Variants in PCCA observed in about 807,000 individuals in gnomAD.
PCCA encodes the protein propionyl-CoA carboxylase alpha chain, mitochondrial.
PCCA carries 74 observed loss-of-function variants against 101.3 expected under a neutral mutation model. That is an observed-to-expected ratio of 0.73 (90% CI 0.61 to 0.89). PCCA has a LOEUF of 0.89. PCCA is among the 40% of genes least tolerant of loss of function. The pLI, the probability that PCCA is intolerant of heterozygous loss-of-function variation, is 0.00. For missense variants in PCCA, 891 were observed against 907.0 expected, an observed-to-expected ratio of 0.98 and a Z score of 0.23; for synonymous variants, 294 against 313.6, an observed-to-expected ratio of 0.94 and a Z score of 0.66.
chr13:100,484,300 G>A (rs1369644751), intron 21 of PCCA, among the ~76,000 whole-genome samples: 1 of 152,080 alleles, frequency 6.6e-6, no homozygotes, highest in East Asian at 1.9e-4. Flanking sequence ...ACCGTGTTCT[G>A]CAGGAATTGA....
At chr13:100,139,870 A>G (rs9585361) in intron 4 of PCCA, among the ~76,000 whole-genome samples, 8,665 of 150,814 alleles carry the variant, frequency 0.057, 847 homozygotes, top group African/African-American at 0.2. Context: ...TTCAGTAGCA[A>G]TTAACTTGGT....
rs999403604 is a variant in PCCA at position 100,089,353 on chromosome 13, T to C, written c.105+128T>C. ...CCCCGCGCCCCGGTTCCGCATCAGC[T>C]ACACCGCTTGCTTTCCTCCCTCCCG... is the stretch of plus-strand genomic sequence containing the variant. On this transcript the variant is annotated intron_variant, in intron 1 of 23. Coordinates refer to ENST00000376285, the MANE Select transcript of PCCA (RefSeq NM_000282.4). 8.2e-6 allele frequency: 10 copies of C among 1,221,122 alleles called. No homozygotes were observed. The South Asian group carries it at 2.0e-4, about 24-fold the overall frequency. The allele number at this position is 1,221,122 out of a possible 1,614,324, so 75.6% of individuals were successfully genotyped here.
At chr13:100,223,756 C>T (rs1403093162) in intron 7 of PCCA, among the ~76,000 whole-genome samples, 1 of 152,118 alleles carries the variant, frequency 6.6e-6, no homozygotes, top group Non-Finnish European at 1.5e-5. Context: ...CGTTTATAAT[C>T]CCTGAGCTAG....
intron 2 of PCCA, among the ~76,000 whole-genome samples, chr13:100,106,572 G>A (rs1362982366): frequency 6.6e-6 from 1 of 151,824 alleles, no homozygotes; most frequent in Non-Finnish European, 1.5e-5. Context: ...CACCACATCC[G>A]GCTAATTTTT....
chr13:100,175,484 G>A (rs1357356113), intron 6 of PCCA, among the ~76,000 whole-genome samples: 4 of 152,176 alleles, frequency 2.6e-5, no homozygotes, highest in Non-Finnish European at 5.9e-5. Context: ...TTTGCAGCTA[G>A]CATCTTTAAT....
intron 19 of PCCA, among the ~76,000 whole-genome samples, chr13:100,405,473 C>T (rs1393206009): frequency 2.0e-5 from 3 of 152,092 alleles, no homozygotes; most frequent in African/African-American, 7.2e-5. Flanking sequence ...CTCTCCAGTC[C>T]TCATTTTTGT....
intron 20 of PCCA, among the ~76,000 whole-genome samples, chr13:100,440,180 ATATATATATATATATATATATATATATAT>A (rs2080251318): frequency 2.4e-5 from 2 of 81,798 alleles, no homozygotes; most frequent in Non-Finnish European, 4.5e-5. Flanking sequence ...ATATATATAT[ATATATATATATATATATATATATATATAT>A]AAAACGTGAT....
intron 21 of PCCA, among the ~76,000 whole-genome samples, chr13:100,449,949 G>A (rs1317543347): frequency 6.6e-6 from 1 of 152,094 alleles, no homozygotes; most frequent in Non-Finnish European, 1.5e-5. Context: ...ACACAACTTT[G>A]CATTGTCACC....
At chr13:100,102,543 TTTTGTG>T (rs1304670665) in intron 1 of PCCA, among the ~76,000 whole-genome samples, 1 of 152,148 alleles carries the variant, frequency 6.6e-6, no homozygotes, top group Non-Finnish European at 1.5e-5. Context: ...AAGACTCTCG[TTTTGTG>T]TTTTTAAAAG....
At chr13:100,338,165 A>G (rs904866870) in intron 17 of PCCA, among the ~76,000 whole-genome samples, 62 of 152,302 alleles carry the variant, frequency 4.1e-4, no homozygotes, top group African/African-American at 1.5e-3. Context: ...TGCACACAGC[A>G]TCTTTAATCC....
chr13:100,444,907 A>T (rs948847645), intron 20 of PCCA, among the ~76,000 whole-genome samples: 1 of 152,168 alleles, frequency 6.6e-6, no homozygotes, highest in African/African-American at 2.4e-5. Flanking sequence ...AAAGTTGCAT[A>T]TATTTGTCAT....
chr13:100,500,320 G>A (rs1339489846), intron 21 of PCCA, among the ~76,000 whole-genome samples: 1 of 152,040 alleles, frequency 6.6e-6, no homozygotes, highest in Non-Finnish European at 1.5e-5. Flanking sequence ...GTTATTATTT[G>A]TTGAGACCAG....
At chr13:100,223,875 A>G (rs552092762) in intron 7 of PCCA, among the ~76,000 whole-genome samples, 10 of 152,282 alleles carry the variant, frequency 6.6e-5, no homozygotes, top group African/African-American at 2.4e-4. Flanking sequence ...CGATTGGTGC[A>G]TTCACAAACC....
intron 11 of PCCA, among the ~76,000 whole-genome samples, chr13:100,271,130 A>G (rs1490688993): frequency 6.6e-6 from 1 of 152,222 alleles, no homozygotes; most frequent in Non-Finnish European, 1.5e-5. Context: ...GGCAAGGGCA[A>G]GATCAAATAG....
intron 21 of PCCA, among the ~76,000 whole-genome samples, chr13:100,508,182 A>G (rs181726136): frequency 2.5e-4 from 38 of 152,280 alleles, no homozygotes; most frequent in African/African-American, 7.2e-4. Context: ...CATTCCTTCA[A>G]TGCTGTTGAT....
chr13:100,349,539 AG>A (rs772799135), intron 18 of PCCA, among the ~76,000 whole-genome samples: 34 of 152,260 alleles, frequency 2.2e-4, no homozygotes, highest in Non-Finnish European at 4.7e-4. Flanking sequence ...CTGGGATTAC[AG>A]GCATGAGCCA....
At chr13:100,228,221 G>T (rs1043374407) in intron 7 of PCCA, among the ~76,000 whole-genome samples, 1 of 151,954 alleles carries the variant, frequency 6.6e-6, no homozygotes, top group East Asian at 1.9e-4. Flanking sequence ...TCACCATGTC[G>T]GCCAGGCTGG....
intron 4 of PCCA, among the ~76,000 whole-genome samples, chr13:100,150,243 AG>A: frequency 6.6e-6 from 1 of 152,246 alleles, no homozygotes. Flanking sequence ...CATGTTGGTC[AG>A]GCTGGTCTTG....
At chr13:100,494,872 A>G (rs1205665299) in intron 21 of PCCA, among the ~76,000 whole-genome samples, 5 of 151,858 alleles carry the variant, frequency 3.3e-5, no homozygotes, top group Non-Finnish European at 7.4e-5. Flanking sequence ...CTATACCCCT[A>G]TTTGATTTAT....
Sources: gnomAD v4.1 joint callset for allele counts (sites outside exome capture counted in the v4.1 genomes callset) on GRCh38, gnomAD v4.1.1 for gene constraint, MANE v1.5 for transcripts, NCBI Gene and HGNC (gene_info 2026-07-23, HGNC 2026-07-21) for gene names.